DOCK3: variants seen among roughly 807,000 people sequenced by gnomAD.
The protein encoded by DOCK3 is dedicator of cytokinesis 3.
In DOCK3, 60 loss-of-function variants were observed where a neutral mutation model predicts 265.6. That is an observed-to-expected ratio of 0.23 (90% CI 0.18 to 0.28). The LOEUF (loss-of-function observed/expected upper bound fraction) is 0.28, where lower values mean the gene tolerates loss of function less well. Ranked by LOEUF, DOCK3 falls within the 10% of genes least tolerant of loss-of-function variation. The pLI is 1.00. For missense variants in DOCK3, 1,981 were observed against 2,594.3 expected, an observed-to-expected ratio of 0.76 and a Z score of 5.14; for synonymous variants, 881 against 938.0, an observed-to-expected ratio of 0.94 and a Z score of 1.11.
chr3:51,149,159 G>A (rs554023944), intron 10 of DOCK3, among the ~76,000 whole-genome samples: 3 of 152,250 alleles, frequency 2.0e-5, no homozygotes, highest in Non-Finnish European at 4.4e-5. Flanking sequence ...TTGGTGTAGA[G>A]GAATGCTTGT....
chr3:51,098,947 T>C (rs111506630), intron 9 of DOCK3, among the ~76,000 whole-genome samples: 1 of 152,342 alleles, frequency 6.6e-6, no homozygotes, highest in African/African-American at 2.4e-5. Context: ...TCTCTTTTTC[T>C]TTCTCTTTCT....
rs143837651 is a variant in DOCK3 at position 51,210,491 on chromosome 3, C to T, written c.1126+1629C>T. On this transcript the variant is annotated intron_variant, in intron 13 of 52. Coordinates refer to ENST00000266037, the MANE Select transcript of DOCK3 (RefSeq NM_004947.5). Reference sequence around the variant, plus strand: ...CTTGGAAAACCTGTTTCAACCCCCTCGTTAAATAAATGAGGAAACTGAAAC... The same window carrying T: ...CTTGGAAAACCTGTTTCAACCCCCTTGTTAAATAAATGAGGAAACTGAAAC... Among the ~76,000 whole-genome samples the T allele has an allele frequency of 3.2e-3, 493 of 152,214 alleles. 7 individuals carry two copies. Among genetic ancestry groups the T allele is most frequent in the African/African-American group, 0.011 (448 of 41,530 alleles).
intron 24 of DOCK3, among the ~76,000 whole-genome samples, chr3:51,274,034 A>C (rs749708775): frequency 1.4e-4 from 22 of 152,246 alleles, no homozygotes; most frequent in Non-Finnish European, 2.9e-4. Context: ...CTGAGGTCTC[A>C]GAACGGGTTA....
At chr3:50,684,094 T>C (rs2034613509) in intron 1 of DOCK3, among the ~76,000 whole-genome samples, 1 of 152,100 alleles carries the variant, frequency 6.6e-6, no homozygotes, top group Non-Finnish European at 1.5e-5. Flanking sequence ...ATTCCCTTTC[T>C]CTGCTTGGGG....
intron 1 of DOCK3, among the ~76,000 whole-genome samples, chr3:50,698,991 A>G (rs373679451): frequency 2.6e-5 from 4 of 152,078 alleles, no homozygotes; most frequent in African/African-American, 9.7e-5. Context: ...ATGAAGTCCA[A>G]TTTGTGAATT....
rs537772924 is a variant in DOCK3 at position 50,739,168 on chromosome 3, T to A, written c.38-39507T>A. The stretch of plus-strand genomic sequence containing the variant: ...TCTCTTGCAAGTTTTTGCAACGTCT[T>A]GTTGTCTTCTTGTTTCATTTACCTG... On this transcript the variant is annotated intron_variant, in intron 1 of 52. Coordinates refer to ENST00000266037, the MANE Select transcript of DOCK3 (RefSeq NM_004947.5). Among the ~76,000 whole-genome samples, 3 of 152,338 alleles carry A rather than the reference T, an allele frequency of 2.0e-5. No homozygotes were observed. In the South Asian group the frequency reaches 6.2e-4, roughly 32 times the overall value.
intron 5 of DOCK3, among the ~76,000 whole-genome samples, chr3:51,013,032 C>G (rs190258279): frequency 3.3e-5 from 5 of 152,240 alleles, no homozygotes; most frequent in African/African-American, 9.6e-5. Context: ...ACTGTTTATT[C>G]TAGTTAGCCA....
At chr3:51,275,048 G>A (rs756145160) in intron 24 of DOCK3, 31 bp from the exon 25 acceptor site, 17 of 1,613,658 alleles carry the variant, frequency 1.1e-5, no homozygotes, top group Middle Eastern at 1.6e-4. Context: ...CTCCTCTAAA[G>A]TTTTCTTCAC....
intron 6 of DOCK3, among the ~76,000 whole-genome samples, chr3:51,073,693 A>AT (rs918087857): frequency 5.3e-5 from 8 of 152,152 alleles, no homozygotes; most frequent in Non-Finnish European, 1.5e-5. Flanking sequence ...TTAAAAACTC[A>AT]TTTTTTTAAT....
At chr3:51,250,465 A>G (rs1403395112) in intron 22 of DOCK3, among the ~76,000 whole-genome samples, 1 of 152,118 alleles carries the variant, frequency 6.6e-6, no homozygotes, top group Non-Finnish European at 1.5e-5. Context: ...CTGAAAATAC[A>G]TAAATTAACC....
chr3:50,989,358 C>A (rs527542747), intron 5 of DOCK3, among the ~76,000 whole-genome samples: 37 of 152,236 alleles, frequency 2.4e-4, no homozygotes, highest in Middle Eastern at 3.4e-3. Context: ...CCAGGAGTAC[C>A]AAGTCACGAT....
chr3:51,155,796 A>G (rs1039090067), intron 10 of DOCK3, among the ~76,000 whole-genome samples: 32 of 152,326 alleles, frequency 2.1e-4, no homozygotes, highest in Non-Finnish European at 2.9e-4. Flanking sequence ...TTCATGCTAA[A>G]CAATGGCTCT....
intron 2 of DOCK3, among the ~76,000 whole-genome samples, chr3:50,840,767 G>A (rs2045784162): frequency 6.6e-6 from 1 of 152,208 alleles, no homozygotes; most frequent in African/African-American, 2.4e-5. Context: ...GGAGAAATGA[G>A]ACTCAAGATA....
intron 7 of DOCK3, among the ~76,000 whole-genome samples, chr3:51,087,467 A>G (rs2082468987): frequency 6.6e-6 from 1 of 152,148 alleles, no homozygotes; most frequent in Non-Finnish European, 1.5e-5. Context: ...AACAAGTTAG[A>G]CATGGAAGGA....
intron 5 of DOCK3, among the ~76,000 whole-genome samples, chr3:51,000,452 C>T (rs978546113): frequency 1.3e-5 from 2 of 152,216 alleles, no homozygotes; most frequent in Non-Finnish European, 2.9e-5. Context: ...GCTACCACTG[C>T]TTTAAGACTG....
intron 1 of DOCK3, among the ~76,000 whole-genome samples, chr3:50,750,550 G>A (rs1297491883): frequency 1.3e-5 from 2 of 151,948 alleles, no homozygotes; most frequent in African/African-American, 2.4e-5. Context: ...GGATGGTCTC[G>A]ATCTCTTGAC....
At chr3:50,912,757 C>A (rs1040229912) in intron 4 of DOCK3, among the ~76,000 whole-genome samples, 1 of 152,066 alleles carries the variant, frequency 6.6e-6, no homozygotes, top group African/African-American at 2.4e-5. Flanking sequence ...GGAGTACTGC[C>A]AGACTACTGT....
chr3:51,081,305 A>G, intron 7 of DOCK3, among the ~76,000 whole-genome samples: 1 of 152,186 alleles, frequency 6.6e-6, no homozygotes, highest in Non-Finnish European at 1.5e-5. Context: ...AGGAAGCAGG[A>G]TGAAATCTCT....
chr3:51,374,570 A>C lies in DOCK3; in HGVS notation c.5395A>C (p.Ile1799Leu). 2 of 1,613,030 alleles carry C rather than the reference A, an allele frequency of 1.2e-6. No homozygotes were observed. The highest frequency in any genetic ancestry group is 1.7e-6 in the Non-Finnish European group (2 of 1,179,520). The change falls in exon 50 of 53, where the codon ATC (isoleucine) becomes CTC (leucine). Residue 1799 changes from isoleucine (I) to leucine (L), a missense_variant. Physicochemically the swap from Ile to Leu is conservative, Grantham distance 5. Coordinates refer to ENST00000266037, the MANE Select transcript of DOCK3 (RefSeq NM_004947.5). This position sits in a 1 kb window ranked among gnomAD's most constrained non-coding sequence, Gnocchi z 4.8. ...AAGCAGTGCCATGTATCCAGCAGCC[A>C]TCCTGGAGAACGGACAGGTAATAGA... ...RPSSAMYPAAILENGQPPNFQ... is the reference protein window; with the variant it reads ...RPSSAMYPAALLENGQPPNFQ...
Sources: gnomAD v4.1 joint callset for allele counts (sites outside exome capture counted in the v4.1 genomes callset) on GRCh38, gnomAD v4.1.1 for gene constraint, Gnocchi (gnomAD v3.1) non-coding constraint, MANE v1.5 for transcripts, NCBI Gene and HGNC (gene_info 2026-07-23, HGNC 2026-07-21) for gene names.